Variants in PAWR observed in about 807,000 individuals in gnomAD.
PAWR encodes the protein PRKC apoptosis WT1 regulator protein.
A neutral mutation model predicts 32.0 loss-of-function variants in PAWR; 23 were observed. The ratio of observed to expected loss-of-function variants is 0.72; its 90% CI spans 0.52 to 1.02. PAWR has a LOEUF of 1.02. PAWR is among the 50% of genes least tolerant of loss of function. The pLI is 0.00. For missense variants in PAWR, 457 were observed against 437.7 expected (o/e 1.04, Z -0.39); for synonymous variants, 226 against 187.1 (o/e 1.21, Z -1.70).
intron 4 of PAWR, among the ~76,000 whole-genome samples, chr12:79,599,026 C>T (rs547109481): frequency 5.9e-5 from 9 of 152,332 alleles, no homozygotes; most frequent in Admixed American, 6.5e-5. Context: ...TGAGCCACTG[C>T]GCCCGGCCAA....
At chr12:79,670,862 A>G (rs1322433518) in intron 2 of PAWR, among the ~76,000 whole-genome samples, 1 of 150,536 alleles carries the variant, frequency 6.6e-6, no homozygotes, top group Non-Finnish European at 1.5e-5. Context: ...TATGTTTGCC[A>G]CTTTTTTTTT....
At chr12:79,659,702 A>G (rs1331902855) in intron 2 of PAWR, among the ~76,000 whole-genome samples, 1 of 152,250 alleles carries the variant, frequency 6.6e-6, no homozygotes, top group Non-Finnish European at 1.5e-5. Context: ...GTAGATTGAC[A>G]GTTCACATTA....
Position 79,590,446 on chromosome 12 carries a change from C to G in PAWR, c.*2161G>C, listed in dbSNP as rs1236998883. On this transcript the variant is annotated 3_prime_UTR_variant, in exon 7 of 7. Transcript: ENST00000328827. ...AAACTCCCGAACTCTGGTAATCCAC[C>G]CGCCTTGGCCTCCCAAAGTGCTGGG... The G allele has an allele frequency of 6.6e-6, 1 of 152,190 alleles. No individual in the cohort carries two copies. The highest frequency in any genetic ancestry group is 1.5e-5 in the Non-Finnish European group (1 of 68,054). The allele number at this position is 152,190 out of a possible 1,614,324, so 9.4% of individuals were successfully genotyped here. A position where few individuals can be genotyped will look rare whatever the true frequency, so the allele number is the denominator to read the frequency against.
At chr12:79,667,632 T>G (rs180836297) in intron 2 of PAWR, among the ~76,000 whole-genome samples, 253 of 152,338 alleles carry the variant, frequency 1.7e-3, no homozygotes, top group African/African-American at 5.8e-3. Flanking sequence ...TGAAAATTTT[T>G]GGGCACTGAT....
intron 2 of PAWR, among the ~76,000 whole-genome samples, chr12:79,636,086 A>G (rs1005141388): frequency 4.6e-5 from 7 of 152,148 alleles, no homozygotes; most frequent in Non-Finnish European, 8.8e-5. Context: ...ACAGTGATAT[A>G]TATGTTAAAT....
chr12:79,616,500 T>C (rs149172962), intron 3 of PAWR, among the ~76,000 whole-genome samples: 88 of 152,244 alleles, frequency 5.8e-4, no homozygotes, highest in African/African-American at 2.0e-3. Flanking sequence ...TGGTAAAACT[T>C]AGAGTAATAG....
chr12:79,686,454 T>C (rs779739151), intron 2 of PAWR, among the ~76,000 whole-genome samples: 64 of 152,188 alleles, frequency 4.2e-4, no homozygotes, highest in Admixed American at 1.2e-3. Flanking sequence ...TTGTTATCAC[T>C]GACTCACATT....
intron 2 of PAWR, among the ~76,000 whole-genome samples, chr12:79,626,400 C>CA (rs1206716678): frequency 6.7e-6 from 1 of 149,066 alleles, no homozygotes; most frequent in Non-Finnish European, 1.5e-5. Context: ...GCTGGGACTA[C>CA]AGGCGCCCAC....
intron 4 of PAWR, among the ~76,000 whole-genome samples, chr12:79,611,188 TCTTATAGATATTTATATATAAAA>T: frequency 2.7e-5 from 4 of 146,476 alleles, no homozygotes; most frequent in Non-Finnish European, 1.5e-5. Flanking sequence ...TATATATAAA[TCTTATAGATATTTATATATAAAA>T]CTTATAGATA....
Position 79,590,717 on chromosome 12 carries a change from T to C in PAWR, c.*1890A>G, listed in dbSNP as rs1873529280. 6.6e-6 allele frequency: 1 copy of C among 152,190 alleles called. No individual in the cohort carries two copies. Among genetic ancestry groups the C allele is most frequent in the Non-Finnish European group, 1.5e-5 (1 of 68,034 alleles). 9.4% of individuals were successfully genotyped at this position (152,190 alleles called of 1,614,324 possible). On this transcript the variant is annotated 3_prime_UTR_variant, in exon 7 of 7. Coordinates refer to ENST00000328827, the MANE Select transcript of PAWR (RefSeq NM_002583.4). Reference sequence around the variant, plus strand: ...ATAACTAAGGGTAACTAAAGGAAGATGAGTACCTCACAACCAAAAGCAGTT... The same window carrying C: ...ATAACTAAGGGTAACTAAAGGAAGACGAGTACCTCACAACCAAAAGCAGTT...
chr12:79,624,264 A>G (rs1328420603), intron 2 of PAWR, among the ~76,000 whole-genome samples: 1 of 152,138 alleles, frequency 6.6e-6, no homozygotes, highest in Admixed American at 6.6e-5. Context: ...CCAGCCCCAC[A>G]ACACTAACTT....
At chr12:79,639,881 T>TATTCCTATTCCTATTCCC in intron 2 of PAWR, among the ~76,000 whole-genome samples, 8 of 112,502 alleles carry the variant, frequency 7.1e-5, no homozygotes, top group Middle Eastern at 4.9e-3. Flanking sequence ...TTCCTATTCC[T>TATTCCTATTCCTATTCCC]ATTCCATTCC....
At chr12:79,628,084 G>A (rs1875430008) in intron 2 of PAWR, among the ~76,000 whole-genome samples, 1 of 152,160 alleles carries the variant, frequency 6.6e-6, no homozygotes, top group Non-Finnish European at 1.5e-5. Flanking sequence ...AAATGTAAAA[G>A]AACAGAAATT....
chr12:79,675,059 G>A (rs948295732), intron 2 of PAWR, among the ~76,000 whole-genome samples: 4 of 152,044 alleles, frequency 2.6e-5, no homozygotes, highest in Admixed American at 2.6e-4. Context: ...CTTTTACTGG[G>A]TATATACCCA....
At chr12:79,629,782 C>T (rs1372162008) in intron 2 of PAWR, among the ~76,000 whole-genome samples, 1 of 151,920 alleles carries the variant, frequency 6.6e-6, no homozygotes, top group African/African-American at 2.4e-5. Context: ...TGAAATCATA[C>T]CAAGAATGTT....
In PAWR at chr12:79,608,453, C is replaced by T. The variant is rs118133911; in HGVS notation, c.683+5122G>A. 1.6e-3 allele frequency among the ~76,000 whole-genome samples: 238 copies of T among 152,268 alleles called. 5 individuals carry two copies. In the East Asian group the frequency reaches 0.039, roughly 25 times the overall value. On this transcript the variant is annotated intron_variant, in intron 4 of 6. Coordinates refer to ENST00000328827, the MANE Select transcript of PAWR (RefSeq NM_002583.4). ...CTCCTATGAGAATCTAATGCCGTTG[C>T]TGATCTGGCAGGAAGCAAAGCTCAG... is the stretch of plus-strand genomic sequence containing the variant.
At chr12:79,655,694 T>G (rs995032090) in intron 2 of PAWR, among the ~76,000 whole-genome samples, 5 of 152,232 alleles carry the variant, frequency 3.3e-5, no homozygotes, top group African/African-American at 1.2e-4. Flanking sequence ...CCTCTGCCCT[T>G]GTGGTCCGTA....
In PAWR at chr12:79,615,184, A is replaced by G. The variant is rs574613545; in HGVS notation, c.649-1575T>C. On this transcript the variant is annotated intron_variant, in intron 3 of 6. Coordinates refer to ENST00000328827, the MANE Select transcript of PAWR (RefSeq NM_002583.4). ...AATTCTCATTACAGAAGCCTATATC[A>G]CTTAGTTTTATTTGTATCTCAATTT... Among the ~76,000 whole-genome samples the G allele has an allele frequency of 2.6e-5, 4 of 152,340 alleles. No homozygotes were observed. In the East Asian group the frequency reaches 7.7e-4, roughly 29 times the overall value.
intron 2 of PAWR, among the ~76,000 whole-genome samples, chr12:79,624,421 G>GGT (rs1875179262): frequency 6.6e-6 from 1 of 152,118 alleles, no homozygotes; most frequent in South Asian, 2.1e-4. Context: ...TGAACTGGAA[G>GGT]GTGAACTGTG....
Sources: gnomAD v4.1 joint callset for allele counts (sites outside exome capture counted in the v4.1 genomes callset) on GRCh38, gnomAD v4.1.1 for gene constraint, MANE v1.5 for transcripts, NCBI Gene and HGNC (gene_info 2026-07-23, HGNC 2026-07-21) for gene names.